PTCH1: variants seen among roughly 807,000 people sequenced by gnomAD.
The protein encoded by PTCH1 is protein patched homolog 1.
Under a neutral mutation model 144.6 loss-of-function variants are expected in PTCH1, and 14 were observed. The observed-to-expected ratio is 0.10, with a 90% CI of 0.06 to 0.15. The LOEUF is 0.15. Ranked by LOEUF, PTCH1 falls within the 10% of genes least tolerant of loss-of-function variation. PTCH1 has a pLI of 1.00. For synonymous variants in PTCH1, 833 were observed against 793.6 expected (o/e 1.05, Z -0.83); for missense variants, 1,623 against 1,948.3 (o/e 0.83, Z 3.14).
At position 95,458,450 on chromosome 9, in the gene PTCH1, G is replaced by T. The variant is rs762868637; in HGVS notation, c.2888-157C>A. 6.6e-6 allele frequency among the ~76,000 whole-genome samples: 1 copy of T among 152,192 alleles called. No homozygotes were observed. Among genetic ancestry groups the T allele is most frequent in the Non-Finnish European group, 1.5e-5 (1 of 68,034 alleles). On this transcript the variant is annotated intron_variant, in intron 17 of 23. Coordinates refer to ENST00000331920, the MANE Select transcript of PTCH1 (RefSeq NM_000264.5). The surrounding 1 kb of genome is among the most constrained non-coding windows in gnomAD (Gnocchi z 4.7). ...CTGATCATAGCCTCCAGGCCTTTAC[G>T]ATCTTCCCATTTGGTTTAAAAATGT...
intron 15 of PTCH1, 126 bp from the exon 16 acceptor site, chr9:95,462,124 C>G: frequency 9.4e-7 from 1 of 1,067,682 alleles, no homozygotes; most frequent in South Asian, 1.3e-5. Context: ...AACACACCCT[C>G]TGTGTCCCAC....
chr9:95,505,865 C>A (rs979844756), intron 2 of PTCH1, among the ~76,000 whole-genome samples: 1 of 149,126 alleles, frequency 6.7e-6, no homozygotes, highest in Non-Finnish European at 1.5e-5. Context: ...CCGCCGCCTC[C>A]GCAGCCCCGC....
intron 8 of PTCH1, 48 bp downstream of exon 8, chr9:95,478,952 G>A: frequency 6.2e-7 from 1 of 1,612,790 alleles, no homozygotes; most frequent in East Asian, 2.2e-5. Flanking sequence ...TGAAAATGAA[G>A]AATTGCATAA....
exon 1 of PTCH1, chr9:95,516,830 C>T (rs1480957252): frequency 1.3e-6 from 2 of 1,592,870 alleles, no homozygotes; most frequent in East Asian, 4.5e-5. Context: ...TGGCCCTCGG[C>T]GTGGGTGGTC....
At chr9:95,470,607 T>C (rs896307727) in intron 12 of PTCH1, among the ~76,000 whole-genome samples, 2 of 152,072 alleles carry the variant, frequency 1.3e-5, no homozygotes, top group South Asian at 2.1e-4. Flanking sequence ...CTGCAGTGCG[T>C]TGGCAAATCT....
intron 22 of PTCH1, among the ~76,000 whole-genome samples, 158 bp downstream of exon 22, chr9:95,448,911 A>T (rs1838189196): frequency 6.6e-6 from 1 of 152,194 alleles, no homozygotes; most frequent in African/African-American, 2.4e-5. Context: ...AGAGTTAAAT[A>T]CTGGTTATTT....
At chr9:95,447,775 C>G (rs998237009) in intron 22 of PTCH1, among the ~76,000 whole-genome samples, 3 of 152,218 alleles carry the variant, frequency 2.0e-5, no homozygotes, top group Admixed American at 1.3e-4. Context: ...CTGTTAGGTT[C>G]TGCAGGCTCT....
At chr9:95,456,236 TG>T in intron 19 of PTCH1, 39 bp downstream of exon 19, 1 of 1,610,636 alleles carries the variant, frequency 6.2e-7, no homozygotes, top group South Asian at 1.1e-5. Flanking sequence ...GGAAATGGGT[TG>T]TTTTTTCACA....
intron 9 of PTCH1, 49 bp from the exon 10 acceptor site, chr9:95,477,751 G>T: frequency 6.2e-7 from 1 of 1,604,842 alleles, no homozygotes; most frequent in Non-Finnish European, 8.5e-7. Context: ...ACATTAGAAT[G>T]TGTTGTGATT....
chr9:95,459,565 T>C, intron 17 of PTCH1, 35 bp downstream of exon 17: 1 of 1,611,686 alleles, frequency 6.2e-7, no homozygotes, highest in Non-Finnish European at 8.5e-7. Flanking sequence ...GGCACCTCTG[T>C]AAGTTCCCAG....
intron 12 of PTCH1, among the ~76,000 whole-genome samples, chr9:95,475,122 G>A (rs890377973): frequency 6.6e-6 from 1 of 152,242 alleles, no homozygotes; most frequent in African/African-American, 2.4e-5. Flanking sequence ...ACTGGCTGCA[G>A]TAACTAATTT....
rs771039964 is a variant in PTCH1, at chr9:95,485,741, T to C, written c.528A>G (p.Leu176=). The C allele has an allele frequency of 3.7e-6, 6 of 1,614,086 alleles. No individual in the cohort carries two copies. Among genetic ancestry groups the C allele is most frequent in the Non-Finnish European group, 4.2e-6 (5 of 1,180,022 alleles). ...GANVLTTEAL[L]QHLDSALQAS... is the part of the protein sequence containing the mutation. ...CCTGGAGTGCCGAGTCCAGGTGTTG[T>C]AGGAGCGCTTCTGTGGTCAGGACAT... The change falls in exon 3 of 24, where the codon CTA becomes CTG. Residue 176 remains leucine (L), a synonymous_variant. Transcript: ENST00000331920.
chr9:95,504,855 T>C (rs996579499), intron 2 of PTCH1, among the ~76,000 whole-genome samples: 2 of 152,176 alleles, frequency 1.3e-5, no homozygotes, highest in Non-Finnish European at 2.9e-5. Context: ...AATTGTGCAG[T>C]GTCGCACACA....
At chr9:95,506,742 T>C (rs1206320094) in intron 1 of PTCH1, 143 bp from the exon 2 acceptor site, 8 of 1,065,696 alleles carry the variant, frequency 7.5e-6, no homozygotes, top group African/African-American at 1.7e-5. Flanking sequence ...CCCTCGAGAC[T>C]GCAGCCCCGG....
intron 2 of PTCH1, chr9:95,495,427 CTTTT>C (rs112122458): frequency 6.9e-6 from 1 of 144,764 alleles, no homozygotes; most frequent in African/African-American, 2.5e-5. Flanking sequence ...CCATGTGATT[CTTTT>C]TTTTTTTTTA....
chr9:95,516,676 T>TTTC lies in PTCH1; in HGVS notation c.-208_-206dup, dbSNP rs112914470. On this transcript the variant is annotated 5_prime_UTR_variant, in exon 1 of 23. Coordinates refer to the PTCH1 transcript ENST00000430669. ...CTGTCGTCTTTTTCTTCTCCTCCGT[T>TTTC]TTCTTCTTCTTCTTCTCCTCCTCCT... The TTTC allele has an allele frequency of 5.5e-4, 888 of 1,612,614 alleles. 1 individual carries two copies. The African/African-American group carries it at 8.9e-3, about 16-fold the overall frequency.
rs754970528 is a variant in PTCH1, at chr9:95,469,793, A to T, written c.1847+20T>A. ...CCATTCTGCACCCAATCAAAAGGCC[A>T]CAGCAGTCTGAAAATGTACCTTGTA... On this transcript the variant is annotated intron_variant, in intron 13 of 23. Coordinates refer to ENST00000331920, the MANE Select transcript of PTCH1 (RefSeq NM_000264.5). 1.6e-5 allele frequency: 25 copies of T among 1,590,712 alleles called. No individual in the cohort carries two copies. Among genetic ancestry groups the T allele is most frequent in the Non-Finnish European group, 2.1e-5 (24 of 1,158,722 alleles).
chr9:95,494,332 G>C, intron 2 of PTCH1: 10 of 985,512 alleles, frequency 1.0e-5, no homozygotes, highest in Non-Finnish European at 1.2e-5. Flanking sequence ...GCCTGTCGCA[G>C]CTCCCACCAG....
intron 1 of PTCH1, chr9:95,507,518 T>G: frequency 1.1e-6 from 1 of 874,580 alleles, no homozygotes; most frequent in Non-Finnish European, 1.4e-6. Context: ...TTTACAACTT[T>G]TCCTCCCCCG....
Sources: gnomAD v4.1 joint callset for allele counts (sites outside exome capture counted in the v4.1 genomes callset) on GRCh38, gnomAD v4.1.1 for gene constraint, Gnocchi (gnomAD v3.1) non-coding constraint, MANE v1.5 for transcripts, NCBI Gene and HGNC (gene_info 2026-07-23, HGNC 2026-07-21) for gene names.